LSM11: variants seen among roughly 807,000 people sequenced by gnomAD.
LSM11 encodes the protein U7 snRNA-associated Sm-like protein LSm11.
A neutral mutation model predicts 28.1 loss-of-function variants in LSM11; 14 were observed. The ratio of observed to expected loss-of-function variants is 0.50; its 90% CI spans 0.33 to 0.78. LSM11 has a LOEUF of 0.78. LSM11 is among the 30% of genes least tolerant of loss of function. The pLI, the probability that LSM11 is intolerant of heterozygous loss-of-function variation, is 0.02. For synonymous variants in LSM11, 207 were observed against 214.2 expected (o/e 0.97, Z 0.30); for missense variants, 495 against 510.6 (o/e 0.97, Z 0.30).
Position 157,744,011 on chromosome 5 carries a change from C to T in LSM11, c.261C>T (p.Pro87=). 1 of 1,329,682 alleles carries T rather than the reference C, an allele frequency of 7.5e-7. No individual in the cohort carries two copies. 82.4% of individuals were successfully genotyped at this position (1,329,682 alleles called of 1,614,324 possible). A position where few individuals can be genotyped will look rare whatever the true frequency, so the allele number is the denominator to read the frequency against. The change falls in exon 1 of 4, where the codon CCC becomes CCT. Residue 87 remains proline, a synonymous_variant. Transcript: ENST00000286307. The part of the protein sequence containing the change: ...ARGAAAGSGV[P]AAPGPSGRTR... ...GCGCGGCCGCGGGCTCTGGGGTTCC[C>T]GCCGCACCCGGGCCCTCGGGCAGGA...
At position 157,755,886 on chromosome 5, in the gene LSM11, C is replaced by A. The variant is rs148841241; in HGVS notation, c.*622C>A. 411 of 395,838 alleles carry A rather than the reference C, an allele frequency of 1.0e-3. 4 individuals carry two copies. The East Asian group carries it at 0.013, about 13-fold the overall frequency. 24.5% of individuals were successfully genotyped at this position (395,838 alleles called of 1,614,324 possible). ...CAATGAGTGCTCTGTTTTGATCCTT[C>A]TTCTTATTATGGAAAGGAGTACAGG... On this transcript the variant is annotated 3_prime_UTR_variant, in exon 4 of 4. Transcript: ENST00000286307.
At position 157,753,994 on chromosome 5, in the gene LSM11, G is replaced by C; in HGVS notation, c.589-10G>C. 1 of 1,499,224 alleles carries C rather than the reference G, an allele frequency of 6.7e-7. No individual in the cohort carries two copies. Among genetic ancestry groups the C allele is most frequent in the South Asian group, 1.4e-5 (1 of 72,744 alleles). 92.9% of individuals were successfully genotyped at this position (1,499,224 alleles called of 1,614,324 possible). On this transcript the variant is annotated splice_polypyrimidine_tract_variant and intron_variant, in intron 2 of 3. Transcript: ENST00000286307. ...TGTCTAATGTTTTTCCTTTTGGGCT[G>C]TTCCTCTAGGCACTTACTGATGTGG...
intron 1 of LSM11, among the ~76,000 whole-genome samples, chr5:157,744,797 C>T (rs1448363793): frequency 1.3e-5 from 2 of 152,156 alleles, no homozygotes; most frequent in Admixed American, 1.3e-4. Flanking sequence ...CCCATAACCC[C>T]TGTACATTGA....
intron 2 of LSM11, among the ~76,000 whole-genome samples, chr5:157,752,209 T>A (rs936259856): frequency 1.3e-5 from 2 of 150,290 alleles, no homozygotes; most frequent in Non-Finnish European, 2.9e-5. Flanking sequence ...TCACCCAGGC[T>A]GGAGTGCAGT....
intron 1 of LSM11, among the ~76,000 whole-genome samples, chr5:157,750,988 GC>G (rs1561620325): frequency 6.6e-6 from 1 of 152,088 alleles, no homozygotes; most frequent in African/African-American, 2.4e-5. Flanking sequence ...CACCATGTTG[GC>G]CAGGCTGATC....
At chr5:157,745,128 A>C (rs980313121) in intron 1 of LSM11, among the ~76,000 whole-genome samples, 1 of 152,238 alleles carries the variant, frequency 6.6e-6, no homozygotes, top group Admixed American at 6.5e-5. Flanking sequence ...AATGGAATAA[A>C]AACAGCCTAA....
chr5:157,752,140 A>G (rs970543709), intron 2 of LSM11, among the ~76,000 whole-genome samples: 2 of 151,906 alleles, frequency 1.3e-5, no homozygotes, highest in Non-Finnish European at 2.9e-5. Context: ...GACATCAGTA[A>G]ACAAAGCATT....
At chr5:157,746,818 G>A (rs1283218495) in intron 1 of LSM11, among the ~76,000 whole-genome samples, 1 of 152,080 alleles carries the variant, frequency 6.6e-6, no homozygotes, top group Non-Finnish European at 1.5e-5. Flanking sequence ...GATGAGGCAC[G>A]AGAATCGCTT....
Position 157,755,457 on chromosome 5 carries a change from A to C in LSM11, c.*193A>C, listed in dbSNP as rs917619564. 4.9e-6 allele frequency: 3 copies of C among 615,042 alleles called. No individual in the cohort carries two copies. Among genetic ancestry groups the C allele is most frequent in the Non-Finnish European group, 8.4e-6 (3 of 357,030 alleles). 38.1% of individuals were successfully genotyped at this position (615,042 alleles called of 1,614,324 possible). A position where few individuals can be genotyped will look rare whatever the true frequency, so the allele number is the denominator to read the frequency against. On this transcript the variant is annotated 3_prime_UTR_variant, in exon 4 of 4. Coordinates refer to ENST00000286307, the MANE Select transcript of LSM11 (RefSeq NM_173491.4). ...AGGCCTTGGGAGGGCAGGCGTTTGC[A>C]TTAATATCAAGGCAAAAAGCATTCA...
At chr5:157,748,999 A>G (rs1293008219) in intron 1 of LSM11, among the ~76,000 whole-genome samples, 1 of 152,084 alleles carries the variant, frequency 6.6e-6, no homozygotes, top group East Asian at 1.9e-4. Context: ...TGGGGAGCTC[A>G]TTTTTGCCTT....
chr5:157,754,120 C>T, intron 3 of LSM11, 33 bp downstream of exon 3: 4 of 1,396,384 alleles, frequency 2.9e-6, no homozygotes, highest in Non-Finnish European at 2.9e-6. Flanking sequence ...CCTGAGTAGC[C>T]ATCATGCTTT....
At chr5:157,746,302 A>G (rs773850364) in intron 1 of LSM11, among the ~76,000 whole-genome samples, 2 of 152,204 alleles carry the variant, frequency 1.3e-5, no homozygotes, top group Non-Finnish European at 2.9e-5. Context: ...TATTCACATA[A>G]AATGTAAGTT....
At chr5:157,744,267 G>A (rs1474020724) in intron 1 of LSM11, 69 bp downstream of exon 1, 77 of 1,143,024 alleles carry the variant, frequency 6.7e-5, no homozygotes, top group Non-Finnish European at 8.4e-5. Flanking sequence ...GGGGGCGTCT[G>A]CGGGGCGGCG....
chr5:157,745,213 A>G (rs1761130015), intron 1 of LSM11, among the ~76,000 whole-genome samples: 1 of 152,240 alleles, frequency 6.6e-6, no homozygotes, highest in African/African-American at 2.4e-5. Context: ...TAGCCATTCA[A>G]AGCATCTGTA....
chr5:157,754,712 A>AT (rs1232589321), intron 3 of LSM11, 142 bp from the exon 4 acceptor site: 19 of 631,496 alleles, frequency 3.0e-5, no homozygotes, highest in Non-Finnish European at 4.3e-5. Flanking sequence ...AAAAAAAAAA[A>AT]AGATTTATTA....
At chr5:157,745,812 G>T (rs1310196609) in intron 1 of LSM11, among the ~76,000 whole-genome samples, 1 of 152,184 alleles carries the variant, frequency 6.6e-6, no homozygotes, top group Admixed American at 6.5e-5. Context: ...GAGTGTACAT[G>T]AGAGAAAGGC....
In LSM11 at chr5:157,759,664, T is replaced by G. The variant is rs1197606072; in HGVS notation, c.*4400T>G. 6.6e-6 allele frequency: 1 copy of G among 152,218 alleles called. No individual in the cohort carries two copies. Among genetic ancestry groups the G allele is most frequent in the African/African-American group, 2.4e-5 (1 of 41,454 alleles). The allele number at this position is 152,218 out of a possible 1,614,324, so 9.4% of individuals were successfully genotyped here. A position where few individuals can be genotyped will look rare whatever the true frequency, so the allele number is the denominator to read the frequency against. Reference sequence around the variant, plus strand: ...AATTTTTCTTTTCCTGTGCCAGATATAGAATGCAGTCAACCCTTTTTCAGT... The same window carrying G: ...AATTTTTCTTTTCCTGTGCCAGATAGAGAATGCAGTCAACCCTTTTTCAGT... On this transcript the variant is annotated 3_prime_UTR_variant, in exon 4 of 4. Transcript: ENST00000286307.
At chr5:157,748,125 C>A (rs1761173848) in intron 1 of LSM11, among the ~76,000 whole-genome samples, 1 of 152,052 alleles carries the variant, frequency 6.6e-6, no homozygotes, top group Admixed American at 6.5e-5. Flanking sequence ...TGTCATGGCA[C>A]CCTTCTATAG....
chr5:157,755,178 G>A lies in LSM11; in HGVS notation c.997G>A (p.Val333Met). ...QSRKKKRKPK[V>M]DYQQVFTRHI... The stretch of plus-strand genomic sequence containing the variant: ...CCGTAAGAAAAAGCGAAAGCCCAAA[G>A]TGGATTACCAGCAGGTATTCACTCG... Residue 333 changes from valine (V) to methionine (M), a missense_variant, in exon 4 of 4, where the codon GTG becomes ATG. Transcript: ENST00000286307. 6.2e-7 allele frequency: 1 copy of A among 1,614,242 alleles called. No individual in the cohort carries two copies. Among genetic ancestry groups the A allele is most frequent in the Non-Finnish European group, 8.5e-7 (1 of 1,180,050 alleles).
Sources: gnomAD v4.1 joint callset for allele counts (sites outside exome capture counted in the v4.1 genomes callset) on GRCh38, gnomAD v4.1.1 for gene constraint, MANE v1.5 for transcripts, NCBI Gene and HGNC (gene_info 2026-07-23, HGNC 2026-07-21) for gene names.